PRKCA: variants seen among roughly 807,000 people sequenced by gnomAD.
The protein encoded by PRKCA is protein kinase C alpha.
Under a neutral mutation model 87.0 loss-of-function variants are expected in PRKCA, and 27 were observed. That is an observed-to-expected ratio of 0.31 (90% CI 0.23 to 0.43). The LOEUF (loss-of-function observed/expected upper bound fraction) is 0.43. Among genes scored for constraint, PRKCA ranks in the 20% least tolerant of loss-of-function variants. PRKCA has a pLI of 1.00. For missense variants in PRKCA, 518 were observed against 852.3 expected (o/e 0.61, Z 4.88); for synonymous variants, 329 against 311.1 (o/e 1.06, Z -0.61).
chr17:66,695,550 G>T (rs1024448668), intron 8 of PRKCA, among the ~76,000 whole-genome samples: 9 of 152,156 alleles, frequency 5.9e-5, no homozygotes, highest in African/African-American at 1.7e-4. Context: ...TTGCTCAATT[G>T]TCCAGGCTTT....
At chr17:66,585,963 T>C (rs1969582787) in intron 3 of PRKCA, among the ~76,000 whole-genome samples, 1 of 152,320 alleles carries the variant, frequency 6.6e-6, no homozygotes, top group South Asian at 2.1e-4. Context: ...AGGTGGATGA[T>C]GTTTGAGGAT....
At chr17:66,408,126 A>G (rs145865893) in intron 2 of PRKCA, among the ~76,000 whole-genome samples, 162 of 152,362 alleles carry the variant, frequency 1.1e-3, no homozygotes, top group African/African-American at 3.8e-3. Flanking sequence ...TATACAGCAT[A>G]AGAAAGATTT....
Position 66,796,570 on chromosome 17 carries a change from C to A in PRKCA, c.1855-7303C>A, listed in dbSNP as rs544391708. Reference sequence around the variant, plus strand: ...ACTTTATAACCCTTAACCGTGTGCCCCTGCTTGTGTTGGTCATGCACGTAG... The same window carrying A: ...ACTTTATAACCCTTAACCGTGTGCCACTGCTTGTGTTGGTCATGCACGTAG... On this transcript the variant is annotated intron_variant, in intron 16 of 16. Coordinates refer to ENST00000413366, the MANE Select transcript of PRKCA (RefSeq NM_002737.3). 6 of 985,252 alleles carry A rather than the reference C, an allele frequency of 6.1e-6. No individual in the cohort carries two copies. The African/African-American group carries it at 8.7e-5, about 14-fold the overall frequency. 61.0% of individuals were successfully genotyped at this position (985,252 alleles called of 1,614,324 possible). A position where few individuals can be genotyped will look rare whatever the true frequency, so the allele number is the denominator to read the frequency against.
chr17:66,537,681 G>A (rs1263573677), intron 3 of PRKCA, among the ~76,000 whole-genome samples: 2 of 152,090 alleles, frequency 1.3e-5, no homozygotes, highest in African/African-American at 4.8e-5. Flanking sequence ...AAATACCAAC[G>A]TTTCCCTGAA....
chr17:66,480,329 C>T (rs1915724227), intron 2 of PRKCA, among the ~76,000 whole-genome samples: 1 of 152,088 alleles, frequency 6.6e-6, no homozygotes, highest in Non-Finnish European at 1.5e-5. Flanking sequence ...TGGTGTTCCA[C>T]GTCCCTGATG....
At chr17:66,345,469 C>T (rs760830729) in intron 2 of PRKCA, among the ~76,000 whole-genome samples, 80 of 152,052 alleles carry the variant, frequency 5.3e-4, no homozygotes, top group Non-Finnish European at 6.8e-4. Context: ...TAAGGAAATC[C>T]GTGTCATCCC....
In PRKCA at chr17:66,807,838, G is replaced by C. The variant is rs530721987; in HGVS notation, c.*3801G>C. The C allele has an allele frequency of 6.6e-6, 1 of 152,276 alleles. No homozygotes were observed. Among genetic ancestry groups the C allele is most frequent in the Non-Finnish European group, 1.5e-5 (1 of 68,100 alleles). 9.4% of individuals were successfully genotyped at this position (152,276 alleles called of 1,614,324 possible). A position where few individuals can be genotyped will look rare whatever the true frequency, so the allele number is the denominator to read the frequency against. On this transcript the variant is annotated 3_prime_UTR_variant, in exon 17 of 17. Transcript: ENST00000413366. This position sits in a 1 kb window ranked among gnomAD's most constrained non-coding sequence, Gnocchi z 4.3. ...GAGAAGGGAGAGGGAGGCGGGGGCT[G>C]TAGTCAGGAAGGAGCCAGAGAAGAA...
intron 2 of PRKCA, among the ~76,000 whole-genome samples, chr17:66,373,740 A>G (rs952231222): frequency 3.3e-5 from 5 of 152,228 alleles, no homozygotes; most frequent in African/African-American, 7.2e-5. Context: ...CTTTGTAGGA[A>G]AGCGGCCATT....
chr17:66,531,149 G>A (rs1051870985), intron 3 of PRKCA, among the ~76,000 whole-genome samples: 11 of 152,184 alleles, frequency 7.2e-5, no homozygotes, highest in African/African-American at 2.4e-4. Flanking sequence ...TGAGCACAGG[G>A]CTTCAGGAAA....
chr17:66,728,606 A>G (rs7215747), intron 8 of PRKCA, among the ~76,000 whole-genome samples: 60,712 of 152,196 alleles, frequency 0.4, 12,619 homozygotes, highest in African/African-American at 0.52. Context: ...CCTGACTGTG[A>G]GCAGTGTCTC....
Position 66,384,634 on chromosome 17 carries a change from C to CT in PRKCA, c.205+78519dup, listed in dbSNP as rs1003762674. Among the ~76,000 whole-genome samples, 157 of 146,354 alleles carry CT rather than the reference C, an allele frequency of 1.1e-3. 1 individual carries two copies. Among genetic ancestry groups the CT allele is most frequent in the South Asian group, 6.3e-3 (29 of 4,640 alleles). On this transcript the variant is annotated intron_variant, in intron 2 of 16. Transcript: ENST00000413366. Reference sequence around the variant, plus strand: ...CTGGTTCTTCTAACACCTTAAATGACTTTTTTTTTTTTGAGACGGAGTCTC... The same window carrying CT: ...CTGGTTCTTCTAACACCTTAAATGACTTTTTTTTTTTTTGAGACGGAGTCTC...
chr17:66,333,903 G>GT (rs1567776384), intron 2 of PRKCA, among the ~76,000 whole-genome samples: 1 of 152,144 alleles, frequency 6.6e-6, no homozygotes. Flanking sequence ...GATTATACTA[G>GT]TCTTGTGTTC....
chr17:66,318,715 C>A (rs756863275), intron 2 of PRKCA, among the ~76,000 whole-genome samples: 4 of 151,984 alleles, frequency 2.6e-5, no homozygotes, highest in African/African-American at 9.7e-5. Context: ...ATTAGCCAGG[C>A]GTGGTGGCGG....
chr17:66,689,046 A>T lies in PRKCA; in HGVS notation c.917A>T (p.Glu306Val). 1 of 1,585,260 alleles carries T rather than the reference A, an allele frequency of 6.3e-7. No homozygotes were observed. Among genetic ancestry groups the T allele is most frequent in the Non-Finnish European group, 8.6e-7 (1 of 1,163,142 alleles). ...AACATGGAACTCAGGCAGAAATTCG[A>T]GGTGAGGATAACAAAATGCCCGGAA... Reference protein sequence around the residue: ...EGNMELRQKFEKAKLGPAGNK... With the variant: ...EGNMELRQKFVKAKLGPAGNK... The change falls in exon 8 of 17, where the codon GAG becomes GTG. Residue 306 changes from glutamate to valine, a missense_variant and splice_region_variant. Physicochemically the swap from Glu to Val is moderately radical, Grantham distance 121. Transcript: ENST00000413366. This position sits in a 1 kb window ranked among gnomAD's most constrained non-coding sequence, Gnocchi z 4.1.
At chr17:66,419,687 A>C (rs1309607322) in intron 2 of PRKCA, among the ~76,000 whole-genome samples, 1 of 152,130 alleles carries the variant, frequency 6.6e-6, no homozygotes, top group Non-Finnish European at 1.5e-5. Context: ...AGAATTAAAC[A>C]CTCCGCATGA....
chr17:66,511,981 G>A (rs1477071404), intron 3 of PRKCA, among the ~76,000 whole-genome samples: 2 of 152,040 alleles, frequency 1.3e-5, no homozygotes, highest in African/African-American at 4.8e-5. Flanking sequence ...GTACCCAGCT[G>A]TCAGATAGTG....
At chr17:66,632,744 T>G (rs1971056394) in intron 3 of PRKCA, among the ~76,000 whole-genome samples, 1 of 152,366 alleles carries the variant, frequency 6.6e-6, no homozygotes, top group Non-Finnish European at 1.5e-5. Context: ...TACAGAAAGA[T>G]CTAGCTCATT....
At chr17:66,331,566 C>G (rs1480109572) in intron 2 of PRKCA, among the ~76,000 whole-genome samples, 5 of 152,110 alleles carry the variant, frequency 3.3e-5, no homozygotes, top group Admixed American at 2.6e-4. Flanking sequence ...CTTGTAGGAT[C>G]TCAGTACCTA....
Position 66,527,386 on chromosome 17 carries a change from C to T in PRKCA, c.288+31103C>T, listed in dbSNP as rs73996244. ...GTCATAATCCTTAAAGTTTATAAGG[C>T]GACAAATTGCAGATTAGAGGACATA... is the stretch of plus-strand genomic sequence containing the variant. On this transcript the variant is annotated intron_variant, in intron 3 of 16. Transcript: ENST00000413366. Among the ~76,000 whole-genome samples the T allele has an allele frequency of 7.9e-3, 1,196 of 152,260 alleles. 18 individuals are homozygous for T. The highest frequency in any genetic ancestry group is 0.027 in the African/African-American group (1,109 of 41,536).
Sources: gnomAD v4.1 joint callset for allele counts (sites outside exome capture counted in the v4.1 genomes callset) on GRCh38, gnomAD v4.1.1 for gene constraint, Gnocchi (gnomAD v3.1) non-coding constraint, MANE v1.5 for transcripts, NCBI Gene and HGNC (gene_info 2026-07-23, HGNC 2026-07-21) for gene names.